HMGCS2: variants seen among roughly 807,000 people sequenced by gnomAD.
The protein encoded by HMGCS2 is 3-hydroxy-3-methylglutaryl-CoA synthase 2.
In HMGCS2, 50 loss-of-function variants were observed where a neutral mutation model predicts 57.4. The ratio of observed to expected loss-of-function variants is 0.87; its 90% confidence interval spans 0.69 to 1.10. The LOEUF is 1.10. Among genes scored for constraint, HMGCS2 ranks in the 50% least tolerant of loss-of-function variants. The pLI is 0.00. For synonymous variants in HMGCS2, 254 were observed against 245.1 expected, an observed-to-expected ratio of 1.04 and a Z score of -0.34; for missense variants, 627 against 636.5, an observed-to-expected ratio of 0.99 and a Z score of 0.16.
chr1:119,766,513 T>C (rs587764304), intron 1 of HMGCS2, among the ~76,000 whole-genome samples: 2 of 152,324 alleles, frequency 1.3e-5, no homozygotes, highest in Admixed American at 1.3e-4. Flanking sequence ...GATCACAAGA[T>C]AGTGAGGCAG....
At chr1:119,755,665 G>A (rs1469764675) in intron 5 of HMGCS2, 68 bp from the exon 6 acceptor site, 4 of 1,454,678 alleles carry the variant, frequency 2.7e-6, no homozygotes, top group Non-Finnish European at 3.9e-6. Context: ...AGGGGGAAAA[G>A]TAACAGCTTC....
rs1049773448 is a variant in HMGCS2, at chr1:119,758,390, T to C, written c.850+728A>G. 4.6e-5 allele frequency among the ~76,000 whole-genome samples: 7 copies of C among 152,206 alleles called. No homozygotes were observed. In the East Asian group the frequency reaches 1.2e-3, roughly 25 times the overall value. ...CTGGGACTACAGGCTTATGCCACCA[T>C]GCCTGGCTAACTTTTGTACTTTTTT... On this transcript the variant is annotated intron_variant, in intron 4 of 9. Transcript: ENST00000369406.
rs1247037912 is a variant in HMGCS2, at chr1:119,759,241, T to C, written c.727A>G (p.Lys243Glu). The change falls in exon 4 of 10, where the codon AAA becomes GAA. Residue 243 changes from lysine to glutamate, a missense_variant. Physicochemically the swap from Lys to Glu is moderately conservative, Grantham distance 56. Transcript: ENST00000369406. The stretch of plus-strand genomic sequence containing the variant: ...GGGTACTCCGAGGCCAAATTTGGTT[T>C]GTAGAAGTCATACACATTCTCCATA... ...THMENVYDFY[K>E]PNLASEYPIV... The C allele has an allele frequency of 6.2e-7, 1 of 1,614,092 alleles. No individual in the cohort carries two copies.
chr1:119,754,022 G>C (rs1379694177), intron 6 of HMGCS2, among the ~76,000 whole-genome samples: 2 of 150,986 alleles, frequency 1.3e-5, no homozygotes, highest in African/African-American at 4.9e-5. Flanking sequence ...ATCCTGAGTA[G>C]CTGGGACTAC....
At chr1:119,749,473 G>A (rs1652576871) in intron 9 of HMGCS2, among the ~76,000 whole-genome samples, 1 of 145,582 alleles carries the variant, frequency 6.9e-6, no homozygotes, top group Non-Finnish European at 1.5e-5. Context: ...CTTTGCTACT[G>A]ACCTGCCCTT....
intron 6 of HMGCS2, among the ~76,000 whole-genome samples, chr1:119,753,797 G>T (rs1421249252): frequency 6.6e-6 from 1 of 152,026 alleles, no homozygotes; most frequent in Non-Finnish European, 1.5e-5. Flanking sequence ...ATTGGTAATG[G>T]TTCAGCAGTC....
chr1:119,761,836 A>G (rs1218394985), intron 2 of HMGCS2, among the ~76,000 whole-genome samples: 1 of 152,170 alleles, frequency 6.6e-6, no homozygotes, highest in East Asian at 1.9e-4. Context: ...CAACATAGAA[A>G]TATTCAAGAT....
At chr1:119,759,071 G>C (rs375777044) in intron 4 of HMGCS2, 47 bp downstream of exon 4, 85 of 1,587,540 alleles carry the variant, frequency 5.4e-5, no homozygotes, top group Non-Finnish European at 7.2e-5. Context: ...ACAAACCCTT[G>C]GCCTATGTAA....
intron 9 of HMGCS2, among the ~76,000 whole-genome samples, chr1:119,750,356 C>T (rs587727158): frequency 6.6e-6 from 1 of 152,356 alleles, no homozygotes; most frequent in African/African-American, 2.4e-5. Context: ...CCTGTTCACT[C>T]AACGGATGCT....
intron 4 of HMGCS2, among the ~76,000 whole-genome samples, chr1:119,758,166 G>A (rs1652913894): frequency 6.6e-6 from 1 of 152,266 alleles, no homozygotes; most frequent in South Asian, 2.1e-4. Context: ...ATGCCCATCT[G>A]GGCATGCCTG....
chr1:119,763,734 C>T (rs978550050), intron 2 of HMGCS2, among the ~76,000 whole-genome samples: 1 of 152,194 alleles, frequency 6.6e-6, no homozygotes, highest in Non-Finnish European at 1.5e-5. Context: ...GGGCCTGTTT[C>T]TATGAAGGTG....
At position 119,765,096 on chromosome 1, in the gene HMGCS2, T is replaced by C. The variant is rs776726862; in HGVS notation, c.105-470A>G. ...TATAGTTGGAACTAAATCTTTTTTTTTCTCTTTTTTGAGACGGAGTCTCAC... is the reference window on the plus strand; with the variant it reads ...TATAGTTGGAACTAAATCTTTTTTTCTCTCTTTTTTGAGACGGAGTCTCAC... On this transcript the variant is annotated intron_variant, in intron 1 of 9. Coordinates refer to ENST00000369406, the MANE Select transcript of HMGCS2 (RefSeq NM_005518.4). Among the ~76,000 whole-genome samples the C allele has an allele frequency of 4.6e-5, 7 of 152,344 alleles. 1 individual carries two copies. The highest frequency in any genetic ancestry group is 1.4e-4 in the African/African-American group (6 of 41,582).
intron 6 of HMGCS2, among the ~76,000 whole-genome samples, chr1:119,753,593 C>A (rs1349811663): frequency 6.6e-6 from 1 of 152,128 alleles, no homozygotes. Flanking sequence ...CAGGGACAGG[C>A]CTTTGTGTAG....
chr1:119,752,837 T>C (rs1210688188), intron 7 of HMGCS2, among the ~76,000 whole-genome samples, 163 bp from the exon 8 acceptor site: 1 of 152,220 alleles, frequency 6.6e-6, no homozygotes, highest in Non-Finnish European at 1.5e-5. Flanking sequence ...AGCATACTTG[T>C]TAGCAAAACA....
At position 119,759,885 on chromosome 1, in the gene HMGCS2, C is replaced by G; in HGVS notation, c.664G>C (p.Ala222Pro). 1 of 1,614,168 alleles carries G rather than the reference C, an allele frequency of 6.2e-7. No individual in the cohort carries two copies. Among genetic ancestry groups the G allele is most frequent in the Non-Finnish European group, 8.5e-7 (1 of 1,180,022 alleles). Residue 222 changes from alanine (A) to proline (P), a missense_variant, in exon 3 of 10, where the codon GCC becomes CCC. Transcript: ENST00000369406. ...GAVAMLIGPKAPLALERGLRG... is the reference protein window; with the variant it reads ...GAVAMLIGPKPPLALERGLRG... ...AAACCTCGCTCCAGGGCCAGAGGGG[C>G]CTTGGGCCCAATCAGCATAGCCACA...
chr1:119,764,034 G>T, intron 2 of HMGCS2, 138 bp downstream of exon 2: 1 of 727,938 alleles, frequency 1.4e-6, no homozygotes, highest in Non-Finnish European at 2.5e-6. Flanking sequence ...GTTATTGTGG[G>T]ATGATAGCAG....
At chr1:119,751,690 G>T (rs1652665921) in intron 8 of HMGCS2, among the ~76,000 whole-genome samples, 1 of 152,142 alleles carries the variant, frequency 6.6e-6, no homozygotes, top group African/African-American at 2.4e-5. Flanking sequence ...TTACAGGCGT[G>T]AGCCACTGTG....
Position 119,759,851 on chromosome 1 carries a change from G to C in HMGCS2, c.685+13C>G, listed in dbSNP as rs2101263649. On this transcript the variant is annotated intron_variant, in intron 3 of 9. Coordinates refer to ENST00000369406, the MANE Select transcript of HMGCS2 (RefSeq NM_005518.4). ...TGCCATGCACAGCCTCTTGGTAATG[G>C]ATTACTACAAACCTCGCTCCAGGGC... 1.9e-6 allele frequency: 3 copies of C among 1,613,938 alleles called. No individual in the cohort carries two copies.
At chr1:119,752,849 G>A (rs587769405) in intron 7 of HMGCS2, among the ~76,000 whole-genome samples, 175 bp from the exon 8 acceptor site, 3 of 152,302 alleles carry the variant, frequency 2.0e-5, no homozygotes, top group Admixed American at 6.5e-5. Context: ...AGCAAAACAT[G>A]CAGGCAGACA....
Sources: allele counts gnomAD v4.1 joint callset (sites outside exome capture counted in the v4.1 genomes callset), GRCh38; gene constraint gnomAD v4.1.1; transcripts MANE v1.5; gene names NCBI Gene and HGNC (gene_info 2026-07-23, HGNC 2026-07-21).